INPP1: variants seen among roughly 807,000 people sequenced by gnomAD.
INPP1 encodes the protein inositol polyphosphate-1-phosphatase, also known as inositol polyphosphate 1-phosphatase.
Under a neutral mutation model 23.0 loss-of-function variants are expected in INPP1, and 18 were observed. The observed-to-expected ratio is 0.78, with a 90% confidence interval of 0.54 to 1.16. INPP1 has a LOEUF of 1.16. INPP1 is among the 50% of genes most tolerant of loss of function. The pLI, the probability that INPP1 is intolerant of heterozygous loss-of-function variation, is 0.00. For synonymous variants in INPP1, 164 were observed against 176.3 expected (o/e 0.93, Z 0.55); for missense variants, 448 against 482.1 (o/e 0.93, Z 0.66).
chr2:190,363,949 G>T lies in INPP1; in HGVS notation c.265+1262G>T, dbSNP rs1689585202. Among the ~76,000 whole-genome samples, 1 of 152,122 alleles carries T rather than the reference G, an allele frequency of 6.6e-6. No individual in the cohort carries two copies. Among genetic ancestry groups the T allele is most frequent in the African/African-American group, 2.4e-5 (1 of 41,422 alleles). On this transcript the variant is annotated intron_variant, in intron 4 of 6. Transcript: ENST00000392329. This position sits in a 1 kb window ranked among gnomAD's most constrained non-coding sequence, Gnocchi z 4.4. ...GCAGGCAAGACCAGATCATAGGAAG[G>T]GATTTAGATTTCCCTCTCAGTGGGA... is the stretch of plus-strand genomic sequence containing the variant.
chr2:190,370,430 C>T (rs906497897), intron 6 of INPP1, among the ~76,000 whole-genome samples: 1 of 152,068 alleles, frequency 6.6e-6, no homozygotes, highest in African/African-American at 2.4e-5. Context: ...AAGGAGTTAC[C>T]AAATAAAGAA....
intron 2 of INPP1, among the ~76,000 whole-genome samples, chr2:190,358,999 A>T (rs1185186410): frequency 6.6e-6 from 1 of 152,158 alleles, no homozygotes; most frequent in Non-Finnish European, 1.5e-5. Context: ...TGCAGGACAC[A>T]CAGTGCTTGC....
rs1346577588 is a variant in INPP1, at chr2:190,345,757, GC to G, written c.-209+1798del. Among the ~76,000 whole-genome samples, 1 of 152,230 alleles carries G rather than the reference GC, an allele frequency of 6.6e-6. No homozygotes were observed. The highest frequency in any genetic ancestry group is 1.9e-4 in the East Asian group (1 of 5,200). On this transcript the variant is annotated intron_variant, in intron 1 of 6. Transcript: ENST00000392329. This position sits in a 1 kb window ranked among gnomAD's most constrained non-coding sequence, Gnocchi z 4.9. ...GCCTGTTATCCCTGCACTTTGGGAGGCCAAGGCAGGTGGATCACTTGAGGTT... is the reference window on the plus strand; with the variant it reads ...GCCTGTTATCCCTGCACTTTGGGAGGCAAGGCAGGTGGATCACTTGAGGTT...
intron 3 of INPP1, among the ~76,000 whole-genome samples, chr2:190,361,734 T>G (rs1279037247): frequency 6.6e-6 from 1 of 152,212 alleles, no homozygotes; most frequent in Non-Finnish European, 1.5e-5. Context: ...TAAGCAGGCT[T>G]GGGAGACTGA....
At position 190,356,053 on chromosome 2, in the gene INPP1, A is replaced by G. The variant is rs1044341148; in HGVS notation, c.-64-3986A>G. Among the ~76,000 whole-genome samples the G allele has an allele frequency of 8.5e-5, 13 of 152,218 alleles. No homozygotes were observed. Among genetic ancestry groups the G allele is most frequent in the African/African-American group, 3.1e-4 (13 of 41,446 alleles). ...TGTAGCCTTCAGTTTCTCCATAGACAAATTATTTCAAGTTGAGCCATTCAA... is the reference window on the plus strand; with the variant it reads ...TGTAGCCTTCAGTTTCTCCATAGACGAATTATTTCAAGTTGAGCCATTCAA... On this transcript the variant is annotated intron_variant, in intron 2 of 6. Coordinates refer to ENST00000392329, the MANE Select transcript of INPP1 (RefSeq NM_001128928.2). This position sits in a 1 kb window ranked among gnomAD's most constrained non-coding sequence, Gnocchi z 6.4.
rs189084502 is a variant in INPP1 at position 190,355,018 on chromosome 2, C to T, written c.-64-5021C>T. 6.7e-5 allele frequency among the ~76,000 whole-genome samples: 10 copies of T among 149,410 alleles called. No individual in the cohort carries two copies. The highest frequency in any genetic ancestry group is 2.5e-4 in the African/African-American group (10 of 40,342). On this transcript the variant is annotated intron_variant, in intron 2 of 6. Transcript: ENST00000392329. This position sits in a 1 kb window ranked among gnomAD's most constrained non-coding sequence, Gnocchi z 5.1. ...ACTTATGATTATTATCCAACAATTA[C>T]TGATTTTCCCTTATTTTAATAGTTA...
At chr2:190,347,862 G>A (rs922635318) in intron 1 of INPP1, among the ~76,000 whole-genome samples, 1 of 152,202 alleles carries the variant, frequency 6.6e-6, no homozygotes, top group African/African-American at 2.4e-5. Flanking sequence ...TGGAGGCTGG[G>A]CATGGTGGCT....
At position 190,352,418 on chromosome 2, in the gene INPP1, A is replaced by G. The variant is rs1689341380; in HGVS notation, c.-65+3387A>G. Reference sequence around the variant, plus strand: ...AATGTTTGACAGTCAAATATCTGAAAGTTGAACATGGCTTATACACTGGGA... The same window carrying G: ...AATGTTTGACAGTCAAATATCTGAAGGTTGAACATGGCTTATACACTGGGA... On this transcript the variant is annotated intron_variant, in intron 2 of 6. Transcript: ENST00000392329. This position sits in a 1 kb window ranked among gnomAD's most constrained non-coding sequence, Gnocchi z 4.7. Among the ~76,000 whole-genome samples the G allele has an allele frequency of 6.6e-6, 1 of 152,240 alleles. No individual in the cohort carries two copies. Among genetic ancestry groups the G allele is most frequent in the Non-Finnish European group, 1.5e-5 (1 of 68,040 alleles).
chr2:190,370,015 G>A (rs4853695), intron 6 of INPP1, among the ~76,000 whole-genome samples: 24,507 of 152,188 alleles, frequency 0.16, 2,642 homozygotes, highest in Admixed American at 0.35. Flanking sequence ...TACCTCTTAA[G>A]TTTTAATATT....
At chr2:190,351,111 T>C (rs1440247548) in intron 2 of INPP1, among the ~76,000 whole-genome samples, 2 of 152,258 alleles carry the variant, frequency 1.3e-5, no homozygotes, top group African/African-American at 4.8e-5. Flanking sequence ...CTCTGAGTTA[T>C]GCAGTACGAG....
In INPP1 at chr2:190,352,426, A is replaced by G. The variant is rs574271842; in HGVS notation, c.-65+3395A>G. 5.3e-5 allele frequency among the ~76,000 whole-genome samples: 8 copies of G among 152,364 alleles called. No individual in the cohort carries two copies. The highest frequency in any genetic ancestry group is 1.7e-4 in the African/African-American group (7 of 41,592). On this transcript the variant is annotated intron_variant, in intron 2 of 6. Transcript: ENST00000392329. The surrounding 1 kb of genome is among the most constrained non-coding windows in gnomAD (Gnocchi z 4.7). ...ACAGTCAAATATCTGAAAGTTGAAC[A>G]TGGCTTATACACTGGGAAAACAATT...
intron 4 of INPP1, among the ~76,000 whole-genome samples, chr2:190,364,054 C>T (rs1052268719): frequency 6.6e-6 from 1 of 152,148 alleles, no homozygotes; most frequent in African/African-American, 2.4e-5. Context: ...TTACTGAGCC[C>T]AGAGTAGGTG....
intron 4 of INPP1, 187 bp downstream of exon 4, chr2:190,362,874 G>A: frequency 4.9e-6 from 2 of 404,852 alleles, no homozygotes; most frequent in Non-Finnish European, 4.5e-6. Flanking sequence ...AGAGAGATGT[G>A]GTATCTTAGA....
chr2:190,369,126 G>T lies in INPP1; in HGVS notation c.490G>T (p.Gly164Cys). Residue 164 changes from glycine (G) to cysteine (C), a missense_variant, in exon 6 of 7, where the codon GGT (glycine) becomes TGT (cysteine). Transcript: ENST00000392329. ...PIDSTYQYIKGSADIKSNQGI... is the reference protein window; with the variant it reads ...PIDSTYQYIKCSADIKSNQGI... ...AGATTCAACTTATCAGTATATAAAA[G>T]GTTCTGCTGACATTAAATCCAACCA... 1 of 1,597,144 alleles carries T rather than the reference G, an allele frequency of 6.3e-7. No homozygotes were observed. The highest frequency in any genetic ancestry group is 8.6e-7 in the Non-Finnish European group (1 of 1,169,306).
Position 190,355,958 on chromosome 2 carries a change from A to G in INPP1, c.-64-4081A>G, listed in dbSNP as rs548830324. ...AAATAAATAAATTAATTAAAAAATCATCTGAAAGATAATTTCCATGAGTTT... is the reference window on the plus strand; with the variant it reads ...AAATAAATAAATTAATTAAAAAATCGTCTGAAAGATAATTTCCATGAGTTT... On this transcript the variant is annotated intron_variant, in intron 2 of 6. Transcript: ENST00000392329. The surrounding 1 kb of genome is among the most constrained non-coding windows in gnomAD (Gnocchi z 5.1). 6.1e-5 allele frequency among the ~76,000 whole-genome samples: 9 copies of G among 147,472 alleles called. No homozygotes were observed. Among genetic ancestry groups the G allele is most frequent in the African/African-American group, 2.1e-4 (8 of 38,124 alleles).
intron 4 of INPP1, among the ~76,000 whole-genome samples, chr2:190,364,541 CAAA>C (rs139090493): frequency 1.7e-4 from 22 of 129,428 alleles, no homozygotes; most frequent in South Asian, 2.4e-4. Context: ...GACTCCGTCT[CAAA>C]AAAAAAAAAA....
At chr2:190,344,024 T>C (rs949352089) in intron 1 of INPP1, 63 bp downstream of exon 1, 1 of 337,156 alleles carries the variant, frequency 3.0e-6, no homozygotes. Flanking sequence ...CCCTCCTCCT[T>C]GGATCTGGGG....
At position 190,367,310 on chromosome 2, in the gene INPP1, C is replaced by G. The variant is rs939095291; in HGVS notation, c.466+415C>G. 6.6e-6 allele frequency among the ~76,000 whole-genome samples: 1 copy of G among 152,172 alleles called. No homozygotes were observed. ...AGCAGATTGTTACCATATGGGAGTA[C>G]AGGCCAGCTCTTCAGATTTTTAAAG... On this transcript the variant is annotated intron_variant, in intron 5 of 6. Transcript: ENST00000392329. This position sits in a 1 kb window ranked among gnomAD's most constrained non-coding sequence, Gnocchi z 4.1.
At chr2:190,361,515 A>G (rs916054724) in intron 3 of INPP1, among the ~76,000 whole-genome samples, 5 of 152,174 alleles carry the variant, frequency 3.3e-5, no homozygotes, top group Non-Finnish European at 5.9e-5. Flanking sequence ...TTTTTTACTT[A>G]TCAATATAGT....
Sources: allele counts gnomAD v4.1 joint callset (sites outside exome capture counted in the v4.1 genomes callset), GRCh38; gene constraint gnomAD v4.1.1; non-coding constraint Gnocchi (gnomAD v3.1); transcripts MANE v1.5; gene names NCBI Gene and HGNC (gene_info 2026-07-23, HGNC 2026-07-21).